Variants in RAB3GAP2 observed in about 807,000 individuals in gnomAD.
RAB3GAP2 encodes RAB3 GTPase activating non-catalytic protein subunit 2.
Under a neutral mutation model 185.3 loss-of-function variants are expected in RAB3GAP2, and 87 were observed. The ratio of observed to expected loss-of-function variants is 0.47; its 90% CI spans 0.39 to 0.56. The LOEUF is 0.56. Among genes scored for constraint, RAB3GAP2 ranks in the 20% least tolerant of loss-of-function variants. The probability of loss-of-function intolerance (pLI) is 0.00; values close to 1 mark genes in which losing one functional copy is unlikely to be tolerated. For synonymous variants in RAB3GAP2, 554 were observed against 576.1 expected (o/e 0.96, Z 0.55); for missense variants, 1,492 against 1,638.2 (o/e 0.91, Z 1.54).
intron 17 of RAB3GAP2, among the ~76,000 whole-genome samples, chr1:220,186,523 TAAAG>T (rs929210705): frequency 1.3e-5 from 2 of 152,034 alleles, no homozygotes; most frequent in Admixed American, 1.3e-4. Flanking sequence ...CAGGAAACAA[TAAAG>T]AAAGTGACTG....
intron 1 of RAB3GAP2, among the ~76,000 whole-genome samples, chr1:220,234,786 A>G (rs1027238928): frequency 1.3e-5 from 2 of 152,218 alleles, no homozygotes; most frequent in Non-Finnish European, 2.9e-5. Flanking sequence ...AAATACAATG[A>G]ATAGTTAACT....
chr1:220,167,217 A>T, intron 26 of RAB3GAP2, 76 bp downstream of exon 26: 2 of 1,293,640 alleles, frequency 1.5e-6, no homozygotes, highest in Non-Finnish European at 2.2e-6. Flanking sequence ...TAAGCTATTT[A>T]ATTAGACGGT....
intron 1 of RAB3GAP2, among the ~76,000 whole-genome samples, chr1:220,262,185 C>T (rs1405262683): frequency 1.3e-5 from 2 of 151,356 alleles, no homozygotes; most frequent in Non-Finnish European, 2.9e-5. Flanking sequence ...CCTGTAGTCC[C>T]AGCTACTCGA....
In RAB3GAP2 at chr1:220,212,910, A is replaced by G; in HGVS notation, c.363T>C (p.Ser121=). ...ACCCTTCTTCGACATTTAAGGAACC[A>G]CTCCAGCCAACAGCAAATTGCATTT... is the stretch of plus-strand genomic sequence containing the variant. ...KEEMQFAVGW[S]GSLNVEEGEC... Residue 121 remains serine (S), a synonymous_variant, in exon 4 of 35, where the codon AGT becomes AGC. Transcript: ENST00000358951. The G allele has an allele frequency of 6.2e-7, 1 of 1,613,528 alleles. No homozygotes were observed. The highest frequency in any genetic ancestry group is 2.2e-5 in the East Asian group (1 of 44,824).
At chr1:220,172,884 T>C (rs1051563820) in intron 21 of RAB3GAP2, 142 bp from the exon 22 acceptor site, 5 of 664,688 alleles carry the variant, frequency 7.5e-6, no homozygotes, top group African/African-American at 3.6e-5. Context: ...TGCTGTATCA[T>C]GTAATCTGAG....
intron 33 of RAB3GAP2, among the ~76,000 whole-genome samples, chr1:220,152,135 G>T (rs138513274): frequency 6.6e-6 from 1 of 152,252 alleles, no homozygotes; most frequent in African/African-American, 2.4e-5. Context: ...GAGTGCAGTG[G>T]TGCAATCTCA....
At position 220,189,695 on chromosome 1, in the gene RAB3GAP2, A is replaced by G. The variant is rs371732343; in HGVS notation, c.1779+8T>C. ...TAGCAGGAAAGTTCGTGTATTATAT[A>G]CACTTACTTGTTTTTTGGTTGCAGG... On this transcript the variant is annotated splice_region_variant and intron_variant, in intron 17 of 34. Coordinates refer to ENST00000358951, the MANE Select transcript of RAB3GAP2 (RefSeq NM_012414.4). 1 of 1,561,054 alleles carries G rather than the reference A, an allele frequency of 6.4e-7. No individual in the cohort carries two copies. The highest frequency in any genetic ancestry group is 8.8e-7 in the Non-Finnish European group (1 of 1,141,756).
chr1:220,228,871 C>G (rs1369280074), intron 2 of RAB3GAP2, among the ~76,000 whole-genome samples: 1 of 152,190 alleles, frequency 6.6e-6, no homozygotes, highest in Non-Finnish European at 1.5e-5. Flanking sequence ...CTACTCTCAT[C>G]CATTAGGGCC....
At position 220,272,269 on chromosome 1, in the gene RAB3GAP2, A is replaced by G; in HGVS notation, c.69T>C (p.Pro23=). ...DLQAARDFLF[P]HLREEILSGA... ...CGCTGAGGATCTCCTCCCGCAGGTG[A>G]GGAAAGAGGAAGTCCCGGGCGGCCT... Residue 23 remains proline (P), a synonymous_variant, in exon 1 of 35, where the codon CCT becomes CCC. Transcript: ENST00000358951. 6.2e-7 allele frequency: 1 copy of G among 1,612,072 alleles called. No homozygotes were observed. Among genetic ancestry groups the G allele is most frequent in the East Asian group, 2.2e-5 (1 of 44,788 alleles).
chr1:220,270,974 C>T (rs1660323565), intron 1 of RAB3GAP2, among the ~76,000 whole-genome samples: 1 of 152,182 alleles, frequency 6.6e-6, no homozygotes, highest in Non-Finnish European at 1.5e-5. Context: ...AATACCATGC[C>T]ATTTCAGGCC....
intron 1 of RAB3GAP2, among the ~76,000 whole-genome samples, chr1:220,242,564 C>G (rs146777848): frequency 6.6e-4 from 101 of 152,120 alleles, no homozygotes; most frequent in African/African-American, 2.4e-3. Flanking sequence ...TTCACAGCTC[C>G]GTATTATACC....
At chr1:220,163,346 T>C (rs940555931) in intron 27 of RAB3GAP2, among the ~76,000 whole-genome samples, 1 of 151,804 alleles carries the variant, frequency 6.6e-6, no homozygotes, top group African/African-American at 2.4e-5. Flanking sequence ...AATACTAGTC[T>C]GAAGTCAGTT....
rs1436312630 is a variant in RAB3GAP2 at position 220,150,448 on chromosome 1, TG to T, written c.*802del. On this transcript the variant is annotated 3_prime_UTR_variant, in exon 35 of 35. Coordinates refer to ENST00000358951, the MANE Select transcript of RAB3GAP2 (RefSeq NM_012414.4). ...TCGGACTTAAAATTTTTAGTATCTT[TG>T]CCTTTTTTTTTTTTTTTTTTTTACA... 1 of 147,748 alleles carries T rather than the reference TG, an allele frequency of 6.8e-6. No individual in the cohort carries two copies. Among genetic ancestry groups the T allele is most frequent in the African/African-American group, 2.6e-5 (1 of 39,002 alleles). 9.2% of individuals were successfully genotyped at this position (147,748 alleles called of 1,614,324 possible).
chr1:220,167,655 C>G lies in RAB3GAP2; in HGVS notation c.2827G>C (p.Ala943Pro). 6.2e-7 allele frequency: 1 copy of G among 1,613,928 alleles called. No homozygotes were observed. Among genetic ancestry groups the G allele is most frequent in the South Asian group, 1.1e-5 (1 of 91,078 alleles). ...AAGTCCTGTTTAAATATCCACTTGG[C>G]TACACTGTCTGCAATGCCACCTATA... ...GGKGGIADSV[A>P]KWIFKQDFSP... Residue 943 changes from alanine to proline, a missense_variant, in exon 25 of 35, where the codon GCC becomes CCC. Around this residue, in one of 5 missense-constraint regions of RAB3GAP2, gnomAD observed 681 missense variants for 689.1 expected, o/e 0.99. Coordinates refer to ENST00000358951, the MANE Select transcript of RAB3GAP2 (RefSeq NM_012414.4).
chr1:220,272,143 G>A, intron 1 of RAB3GAP2, 80 bp downstream of exon 1: 2 of 1,226,022 alleles, frequency 1.6e-6, no homozygotes, highest in Non-Finnish European at 2.4e-6. Context: ...AGGAGGCGCA[G>A]AGCGAGTAGG....
intron 9 of RAB3GAP2, among the ~76,000 whole-genome samples, chr1:220,201,243 G>A (rs574485069): frequency 7.9e-5 from 12 of 151,806 alleles, no homozygotes; most frequent in South Asian, 2.1e-4. Context: ...ATGGGGTCTC[G>A]CTATATTGCC....
At position 220,180,070 on chromosome 1, in the gene RAB3GAP2, G is replaced by A. The variant is rs1269885742; in HGVS notation, c.2310+2187C>T. ...CCAGCTACTCAGGAGGCTGAGGCAGGAGAATCGCTTGAACCCAGGAGGCGG... is the reference window on the plus strand; with the variant it reads ...CCAGCTACTCAGGAGGCTGAGGCAGAAGAATCGCTTGAACCCAGGAGGCGG... On this transcript the variant is annotated intron_variant, in intron 21 of 34. Transcript: ENST00000358951. 3.9e-5 allele frequency among the ~76,000 whole-genome samples: 6 copies of A among 152,248 alleles called. No individual in the cohort carries two copies. In the East Asian group the frequency reaches 5.8e-4, roughly 15 times the overall value.
intron 23 of RAB3GAP2, among the ~76,000 whole-genome samples, chr1:220,171,687 GA>G (rs773182789): frequency 1.3e-5 from 2 of 151,890 alleles, no homozygotes; most frequent in African/African-American, 4.8e-5. Context: ...CAAGAGATGA[GA>G]AAAAAACACA....
At chr1:220,211,842 A>G (rs1441422784) in intron 4 of RAB3GAP2, among the ~76,000 whole-genome samples, 1 of 152,216 alleles carries the variant, frequency 6.6e-6, no homozygotes, top group African/African-American at 2.4e-5. Context: ...TCTGACAGAG[A>G]TCAAATGTCT....
Sources: gnomAD v4.1 joint callset for allele counts (sites outside exome capture counted in the v4.1 genomes callset) on GRCh38, gnomAD v4.1.1 for gene constraint, gnomAD v4.1.1 regional missense constraint, MANE v1.5 for transcripts, NCBI Gene and HGNC (gene_info 2026-07-23, HGNC 2026-07-21) for gene names.